The following PTP4A3 variants were observed in gnomAD, a reference collection of about 807,000 sequenced individuals.
PTP4A3 encodes the protein protein tyrosine phosphatase 4A3.
Under a neutral mutation model 15.2 loss-of-function variants are expected in PTP4A3, and 9 were observed. The ratio of observed to expected loss-of-function variants is 0.59; its 90% CI spans 0.36 to 1.03. The LOEUF is 1.03. Ranked by LOEUF, PTP4A3 falls within the 50% of genes least tolerant of loss-of-function variation. The pLI, the probability that PTP4A3 is intolerant of heterozygous loss-of-function variation, is 0.02. For synonymous variants in PTP4A3, 95 were observed against 102.0 expected (o/e 0.93, Z 0.41); for missense variants, 234 against 252.1 (o/e 0.93, Z 0.49).
At position 141,425,196 on chromosome 8, in the gene PTP4A3, C is replaced by CG; in HGVS notation, c.198+62dup. The CG allele has an allele frequency of 5.5e-6, 2 of 361,480 alleles. No individual in the cohort carries two copies. The highest frequency in any genetic ancestry group is 6.7e-5 in the East Asian group (1 of 14,872). 22.4% of individuals were successfully genotyped at this position (361,480 alleles called of 1,614,324 possible). A position where few individuals can be genotyped will look rare whatever the true frequency, so the allele number is the denominator to read the frequency against. ...CTGCTGCCACCGGGGGAGGGTGGGG[C>CG]GGGGGGCTCCGGGCCTGCGCAGAGG... On this transcript the variant is annotated intron_variant, in intron 3 of 5. Transcript: ENST00000521578. The surrounding 1 kb of genome is among the most constrained non-coding windows in gnomAD (Gnocchi z 4.2).
intron 2 of PTP4A3, 86 bp downstream of exon 2, chr8:141,422,431 T>A: frequency 6.9e-7 from 1 of 1,450,068 alleles, no homozygotes; most frequent in Admixed American, 1.7e-5. Context: ...GCAAGAGGGG[T>A]CCCCAGCCCC....
chr8:141,422,184 G>C lies in PTP4A3; in HGVS notation c.-57G>C. ...GGGGTGTGTGGGGACTTCTCAGGTC[G>C]TGTCCCCAGCCTTCTCTGCAGTCCC... On this transcript the variant is annotated 5_prime_UTR_variant, in exon 2 of 6. Coordinates refer to ENST00000521578, the MANE Select transcript of PTP4A3 (RefSeq NM_032611.3). 6.5e-7 allele frequency: 1 copy of C among 1,548,630 alleles called. No individual in the cohort carries two copies. The highest frequency in any genetic ancestry group is 1.7e-5 in the Admixed American group (1 of 59,314).
Position 141,414,621 on chromosome 8 carries a change from T to TGG in PTP4A3, c.-853-6758_-853-6757dup, listed in dbSNP as rs55699226. Among the ~76,000 whole-genome samples the TGG allele has an allele frequency of 3.9e-3, 475 of 120,316 alleles. 3 individuals carry two copies. Among genetic ancestry groups the TGG allele is most frequent in the African/African-American group, 0.015 (447 of 30,366 alleles). The allele number at this position is 120,316 out of a possible 152,430, so 78.9% of individuals were successfully genotyped here. ...ACTGAGCTTGGGAAGAGCCCTGGAC[T>TGG]GGGGGGGGGGTAGGGACTGTTGGGC... On this transcript the variant is annotated intron_variant, in intron 1 of 5. Coordinates refer to ENST00000521578, the MANE Select transcript of PTP4A3 (RefSeq NM_032611.3).
At chr8:141,394,078 G>T (rs972374854) in intron 1 of PTP4A3, among the ~76,000 whole-genome samples, 1 of 152,160 alleles carries the variant, frequency 6.6e-6, no homozygotes, top group Admixed American at 6.5e-5. Flanking sequence ...CCCTCTCACC[G>T]CCAGGGTGGG....
In PTP4A3 at chr8:141,425,009, C is replaced by T. The variant is rs781063352; in HGVS notation, c.106-39C>T. Reference sequence around the variant, plus strand: ...GGTCCTGCCCCCTGAGCCCTGCAGCCCCAGCCCAGCCCTGCCTCCTCCGTC... The same window carrying T: ...GGTCCTGCCCCCTGAGCCCTGCAGCTCCAGCCCAGCCCTGCCTCCTCCGTC... On this transcript the variant is annotated intron_variant, in intron 2 of 5. Transcript: ENST00000521578. The surrounding 1 kb of genome is among the most constrained non-coding windows in gnomAD (Gnocchi z 4.2). The T allele has an allele frequency of 3.2e-6, 5 of 1,557,228 alleles. No homozygotes were observed. Among genetic ancestry groups the T allele is most frequent in the Admixed American group, 1.7e-5 (1 of 59,374 alleles).
At chr8:141,413,954 G>A (rs1287951882) in intron 1 of PTP4A3, among the ~76,000 whole-genome samples, 3 of 144,354 alleles carry the variant, frequency 2.1e-5, no homozygotes, top group African/African-American at 5.8e-5. Flanking sequence ...TCGGGCTCAC[G>A]GTGTCCCTGG....
At chr8:141,401,282 C>T (rs571265955) in intron 1 of PTP4A3, among the ~76,000 whole-genome samples, 1 of 152,270 alleles carries the variant, frequency 6.6e-6, no homozygotes, top group African/African-American at 2.4e-5. Context: ...ATCTGCACGT[C>T]CTGTCGTTGA....
chr8:141,426,223 C>T (rs941893102), intron 3 of PTP4A3, among the ~76,000 whole-genome samples: 8 of 152,302 alleles, frequency 5.3e-5, no homozygotes, highest in South Asian at 4.1e-4. Flanking sequence ...TGCATGAACC[C>T]GCCTTCCCAA....
chr8:141,393,113 C>A (rs186937783), intron 1 of PTP4A3, among the ~76,000 whole-genome samples: 2 of 152,290 alleles, frequency 1.3e-5, no homozygotes, highest in Admixed American at 1.3e-4. Flanking sequence ...CAGACAGAAG[C>A]CGCCTGGCAG....
intron 1 of PTP4A3, among the ~76,000 whole-genome samples, chr8:141,393,580 G>T (rs1318750989): frequency 6.6e-6 from 1 of 152,266 alleles, no homozygotes; most frequent in African/African-American, 2.4e-5. Flanking sequence ...CCCGCAGGCA[G>T]TCGGCGTGAT....
At chr8:141,417,678 G>A (rs1586554345) in intron 1 of PTP4A3, among the ~76,000 whole-genome samples, 1 of 152,036 alleles carries the variant, frequency 6.6e-6, no homozygotes, top group Non-Finnish European at 1.5e-5. Flanking sequence ...CGGGAGGAAG[G>A]AGGGGTCCCG....
chr8:141,420,480 C>A (rs901425803), intron 1 of PTP4A3, among the ~76,000 whole-genome samples: 1 of 152,168 alleles, frequency 6.6e-6, no homozygotes. Flanking sequence ...GGTCATGAGA[C>A]CCAGAAAGGG....
At position 141,422,130 on chromosome 8, in the gene PTP4A3, C is replaced by A; in HGVS notation, c.-111C>A. 9.9e-7 allele frequency: 1 copy of A among 1,008,958 alleles called. No individual in the cohort carries two copies. Among genetic ancestry groups the A allele is most frequent in the Non-Finnish European group, 1.5e-6 (1 of 656,560 alleles). The allele number at this position is 1,008,958 out of a possible 1,614,324, so 62.5% of individuals were successfully genotyped here. A position where few individuals can be genotyped will look rare whatever the true frequency, so the allele number is the denominator to read the frequency against. On this transcript the variant is annotated 5_prime_UTR_variant, in exon 2 of 6. Coordinates refer to ENST00000521578, the MANE Select transcript of PTP4A3 (RefSeq NM_032611.3). The stretch of plus-strand genomic sequence containing the variant: ...TTAAATCTCGTTTCTCTTGGACAAG[C>A]ACAGGGATCTCGTTCTCCTCATTTT...
intron 1 of PTP4A3, among the ~76,000 whole-genome samples, chr8:141,420,806 G>T (rs1173791559): frequency 6.6e-6 from 1 of 152,236 alleles, no homozygotes; most frequent in Non-Finnish European, 1.5e-5. Flanking sequence ...GAGGCGATTA[G>T]GGTGGCCCAC....
chr8:141,430,936 C>T lies in PTP4A3; in HGVS notation c.414C>T (p.Arg138=), dbSNP rs763431530. The change falls in exon 6 of 6, where the codon CGC becomes CGT. Residue 138 remains arginine (R), a synonymous_variant. Coordinates refer to ENST00000521578, the MANE Select transcript of PTP4A3 (RefSeq NM_032611.3). The part of the protein sequence containing the change: ...DAIQFIRQKR[R]GAINSKQLTY... ...GTTCCCCTCTTCCCAGGAAGCGCCG[C>T]GGAGCCATCAACAGCAAGCAGCTCA... 23 of 1,613,076 alleles carry T rather than the reference C, an allele frequency of 1.4e-5. No individual in the cohort carries two copies. Among genetic ancestry groups the T allele is most frequent in the East Asian group, 4.5e-5 (2 of 44,890 alleles).
rs532746320 is a variant in PTP4A3 at position 141,413,265 on chromosome 8, G to C, written c.-853-8123G>C. 7.9e-5 allele frequency among the ~76,000 whole-genome samples: 12 copies of C among 152,318 alleles called. No individual in the cohort carries two copies. The South Asian group carries it at 1.9e-3, about 24-fold the overall frequency. On this transcript the variant is annotated intron_variant, in intron 1 of 5. Transcript: ENST00000521578. ...GCCTCAGGGACTGGGGCGGGGAGAG[G>C]CTCCTTCTCAGAGGCTGTGAGCTCC...
At chr8:141,429,255 T>C (rs1362184579) in intron 5 of PTP4A3, among the ~76,000 whole-genome samples, 3 of 152,272 alleles carry the variant, frequency 2.0e-5, no homozygotes, top group Non-Finnish European at 4.4e-5. Context: ...GCAGCTTTGC[T>C]GGGCAGAGAC....
At chr8:141,422,942 C>T (rs762049033) in intron 2 of PTP4A3, among the ~76,000 whole-genome samples, 5 of 152,204 alleles carry the variant, frequency 3.3e-5, no homozygotes, top group South Asian at 2.1e-4. Context: ...GAGTCTGGAG[C>T]GACCTGCATG....
chr8:141,400,557 AT>A (rs1390782372), intron 1 of PTP4A3, among the ~76,000 whole-genome samples: 1 of 152,138 alleles, frequency 6.6e-6, no homozygotes, highest in Non-Finnish European at 1.5e-5. Flanking sequence ...TTAACCAGCC[AT>A]CCCCCCACCC....
Sources: gnomAD v4.1 joint callset for allele counts (sites outside exome capture counted in the v4.1 genomes callset) on GRCh38, gnomAD v4.1.1 for gene constraint, Gnocchi (gnomAD v3.1) non-coding constraint, MANE v1.5 for transcripts, NCBI Gene and HGNC (gene_info 2026-07-23, HGNC 2026-07-21) for gene names.